Variants in ALK observed in about 807,000 individuals in gnomAD.
ALK encodes ALK receptor tyrosine kinase.
A neutral mutation model predicts 163.1 loss-of-function variants in ALK; 74 were observed. The ratio of observed to expected loss-of-function variants is 0.45; its 90% CI spans 0.38 to 0.55. The LOEUF (loss-of-function observed/expected upper bound fraction) is 0.55. Ranked by LOEUF, ALK falls within the 20% of genes least tolerant of loss-of-function variation. The pLI is 0.00. For missense variants in ALK, 2,063 were observed against 2,105.3 expected, an observed-to-expected ratio of 0.98 and a Z score of 0.39; for synonymous variants, 960 against 843.2, an observed-to-expected ratio of 1.14 and a Z score of -2.40.
chr2:29,874,256 C>G (rs1030599418), intron 1 of ALK, among the ~76,000 whole-genome samples: 1 of 151,880 alleles, frequency 6.6e-6, no homozygotes, highest in African/African-American at 2.4e-5. Flanking sequence ...CCCCCGCCAC[C>G]CAGGACCAAG....
At chr2:29,719,628 C>T (rs1003165075) in intron 1 of ALK, among the ~76,000 whole-genome samples, 4 of 152,076 alleles carry the variant, frequency 2.6e-5, no homozygotes, top group African/African-American at 4.8e-5. Flanking sequence ...GTTTATTTGT[C>T]CTCATTTTGC....
intron 8 of ALK, among the ~76,000 whole-genome samples, chr2:29,307,929 AG>A (rs1026135407): frequency 1.3e-5 from 2 of 152,202 alleles, no homozygotes; most frequent in Admixed American, 6.6e-5. Context: ...ATTATGTAGA[AG>A]CCAGGGAACA....
chr2:29,806,961 G>A (rs7604473), intron 1 of ALK, among the ~76,000 whole-genome samples: 11,317 of 152,274 alleles, frequency 0.074, 1,219 homozygotes, highest in African/African-American at 0.24. Context: ...ACATGTGCAC[G>A]TGCACGCACA....
At chr2:29,407,837 G>A (rs190384581) in intron 4 of ALK, among the ~76,000 whole-genome samples, 133 of 152,244 alleles carry the variant, frequency 8.7e-4, no homozygotes, top group African/African-American at 3.0e-3. Context: ...GCTGCTCATC[G>A]CATCACCTGG....
intron 1 of ALK, among the ~76,000 whole-genome samples, chr2:29,897,542 G>A (rs998739050): frequency 6.6e-6 from 1 of 152,116 alleles, no homozygotes; most frequent in Admixed American, 6.5e-5. Context: ...GGATTCTCTT[G>A]GGAGGCTTTT....
chr2:29,266,827 T>A (rs1451038730), intron 11 of ALK, among the ~76,000 whole-genome samples: 1 of 152,208 alleles, frequency 6.6e-6, no homozygotes, highest in Non-Finnish European at 1.5e-5. Context: ...TCCTAGGAAT[T>A]CTGCCCATCA....
chr2:29,783,954 A>G (rs1345877387), intron 1 of ALK, among the ~76,000 whole-genome samples: 1 of 152,218 alleles, frequency 6.6e-6, no homozygotes, highest in African/African-American at 2.4e-5. Flanking sequence ...CATCTCACAC[A>G]TAGGAGCTAG....
chr2:29,323,201 GAAACACTTTGT>G (rs1352281334), intron 6 of ALK, among the ~76,000 whole-genome samples: 1 of 152,128 alleles, frequency 6.6e-6, no homozygotes, highest in East Asian at 1.9e-4. Context: ...AGAGAGTGTG[GAAACACTTTGT>G]AAACAGCCAG....
At chr2:29,237,019 T>C (rs1398171668) in intron 13 of ALK, among the ~76,000 whole-genome samples, 4 of 152,202 alleles carry the variant, frequency 2.6e-5, no homozygotes, top group Non-Finnish European at 4.4e-5. Flanking sequence ...CAGTGTTCCC[T>C]AACTCAGGTG....
chr2:29,775,247 C>T (rs191569281), intron 1 of ALK, among the ~76,000 whole-genome samples: 1 of 152,132 alleles, frequency 6.6e-6, no homozygotes, highest in South Asian at 2.1e-4. Context: ...CCTTTAAATT[C>T]CCTTCCAACT....
At chr2:29,541,989 C>A (rs1179910502) in intron 3 of ALK, among the ~76,000 whole-genome samples, 1 of 152,244 alleles carries the variant, frequency 6.6e-6, no homozygotes, top group Non-Finnish European at 1.5e-5. Context: ...TACTCCAAGT[C>A]CCCATTCTTT....
At chr2:29,420,161 A>G (rs1008593574) in intron 4 of ALK, among the ~76,000 whole-genome samples, 1 of 148,532 alleles carries the variant, frequency 6.7e-6, no homozygotes, top group Non-Finnish European at 1.5e-5. Flanking sequence ...TGTCTTAAAA[A>G]AAAAAAAAAA....
intron 1 of ALK, among the ~76,000 whole-genome samples, chr2:29,884,635 A>G (rs974250246): frequency 3.3e-5 from 5 of 152,230 alleles, no homozygotes; most frequent in Admixed American, 6.5e-5. Context: ...GAAAAAGCCA[A>G]GTTATTATGT....
chr2:29,700,188 T>C (rs1573566246), intron 2 of ALK, among the ~76,000 whole-genome samples: 2 of 152,178 alleles, frequency 1.3e-5, no homozygotes, highest in Non-Finnish European at 2.9e-5. Flanking sequence ...AGATTTCCTA[T>C]GGAAGAAGGG....
chr2:29,656,457 G>A (rs1044661496), intron 3 of ALK, among the ~76,000 whole-genome samples: 1 of 152,132 alleles, frequency 6.6e-6, no homozygotes, highest in Admixed American at 6.6e-5. Flanking sequence ...CCACAGGCAG[G>A]GGAACATATT....
intron 8 of ALK, among the ~76,000 whole-genome samples, chr2:29,313,034 C>T (rs1666735361): frequency 6.6e-6 from 1 of 152,036 alleles, no homozygotes; most frequent in Non-Finnish European, 1.5e-5. Context: ...GGTACTGGTC[C>T]CCAACTATTT....
At chr2:29,407,255 C>T (rs764536859) in intron 4 of ALK, among the ~76,000 whole-genome samples, 19 of 152,192 alleles carry the variant, frequency 1.2e-4, no homozygotes, top group Non-Finnish European at 2.8e-4. Context: ...AAATTTGTCT[C>T]CTTTGGGTGA....
At chr2:29,377,784 C>T (rs1180553005) in intron 5 of ALK, among the ~76,000 whole-genome samples, 2 of 152,180 alleles carry the variant, frequency 1.3e-5, no homozygotes, top group Non-Finnish European at 2.9e-5. Context: ...TTCAAGGTAT[C>T]CATAATAATG....
chr2:29,194,030 C>G, intron 28 of ALK, 108 bp from the exon 29 acceptor site: 1 of 1,120,630 alleles, frequency 8.9e-7, no homozygotes, highest in Admixed American at 2.0e-5. Context: ...GATGAGGAAA[C>G]CAGGATTTAT....
Sources: gnomAD v4.1 joint callset for allele counts (sites outside exome capture counted in the v4.1 genomes callset) on GRCh38, gnomAD v4.1.1 for gene constraint, MANE v1.5 for transcripts, NCBI Gene and HGNC (gene_info 2026-07-23, HGNC 2026-07-21) for gene names.